Variants in ANKRD22 observed in about 807,000 individuals in gnomAD.
The protein encoded by ANKRD22 is ankyrin repeat domain 22.
ANKRD22 carries 24 observed loss-of-function variants against 25.7 expected under a neutral mutation model. The ratio of observed to expected loss-of-function variants is 0.93; its 90% CI spans 0.68 to 1.31. ANKRD22 has a LOEUF of 1.31. Among genes scored for constraint, ANKRD22 ranks in the 50% most tolerant of loss-of-function variants. ANKRD22 has a pLI of 0.00. For synonymous variants in ANKRD22, 84 were observed against 84.3 expected, an observed-to-expected ratio of 1.00 and a Z score of 0.02; for missense variants, 214 against 227.1, an observed-to-expected ratio of 0.94 and a Z score of 0.37.
intron 1 of ANKRD22, among the ~76,000 whole-genome samples, chr10:88,838,690 T>C (rs1248079575): frequency 6.6e-6 from 1 of 151,830 alleles, no homozygotes; most frequent in Non-Finnish European, 1.5e-5. Flanking sequence ...GAGGTGGAAG[T>C]GGGCCCTGGA....
rs551538872 is a variant in ANKRD22, at chr10:88,831,237, C to T, written c.213+598G>A. Reference sequence around the variant, plus strand: ...CCACAAGGATTTTCACAGCAATACACACATATTCTTCTCTTTCTTGGTCCT... The same window carrying T: ...CCACAAGGATTTTCACAGCAATACATACATATTCTTCTCTTTCTTGGTCCT... On this transcript the variant is annotated intron_variant, in intron 2 of 5. Coordinates refer to ENST00000371930, the MANE Select transcript of ANKRD22 (RefSeq NM_144590.3). Among the ~76,000 whole-genome samples, 3 of 152,348 alleles carry T rather than the reference C, an allele frequency of 2.0e-5. No individual in the cohort carries two copies. In the East Asian group the frequency reaches 5.8e-4, roughly 29 times the overall value.
chr10:88,825,932 A>G, intron 4 of ANKRD22, 106 bp downstream of exon 4: 1 of 949,946 alleles, frequency 1.1e-6, no homozygotes, highest in Non-Finnish European at 1.5e-6. Flanking sequence ...AGAAAACTAA[A>G]TGTAAAATTG....
intron 4 of ANKRD22, among the ~76,000 whole-genome samples, chr10:88,825,093 T>C (rs1194885625): frequency 1.3e-5 from 2 of 150,500 alleles, no homozygotes; most frequent in African/African-American, 2.4e-5. Flanking sequence ...CGAAATGATG[T>C]AAATAATTGA....
intron 1 of ANKRD22, 80 bp from the exon 2 acceptor site, chr10:88,832,106 A>C: frequency 1.5e-6 from 2 of 1,359,994 alleles, no homozygotes; most frequent in Non-Finnish European, 2.0e-6. Context: ...TCATAACCCA[A>C]TACATTAAAA....
At chr10:88,848,186 G>GTATATATGTATATATACATATA (rs1844070849) in intron 1 of ANKRD22, among the ~76,000 whole-genome samples, 1 of 137,392 alleles carries the variant, frequency 7.3e-6, no homozygotes, top group Admixed American at 7.2e-5. Context: ...ATATATATAT[G>GTATATATGTATATATACATATA]TATATATGTA....
At position 88,832,526 on chromosome 10, in the gene ANKRD22, C is replaced by G. The variant is rs148943480; in HGVS notation, c.22-500G>C. Among the ~76,000 whole-genome samples the G allele has an allele frequency of 9.7e-3, 1,461 of 150,858 alleles. 46 individuals are homozygous for G. The East Asian group carries it at 0.14, about 14-fold the overall frequency. ...CAAAATGTCTTTATCTTTATCTTTA[C>G]TAAAGATAAAATGTCTTTATCTTTA... On this transcript the variant is annotated intron_variant, in intron 1 of 5. Coordinates refer to ENST00000371930, the MANE Select transcript of ANKRD22 (RefSeq NM_144590.3).
intron 1 of ANKRD22, among the ~76,000 whole-genome samples, chr10:88,840,542 T>A (rs1166746137): frequency 6.6e-6 from 1 of 152,140 alleles, no homozygotes; most frequent in Non-Finnish European, 1.5e-5. Flanking sequence ...TGTGTAGAAC[T>A]TTGCCTGTGG....
intron 1 of ANKRD22, among the ~76,000 whole-genome samples, chr10:88,850,731 G>T (rs1844096826): frequency 6.6e-6 from 1 of 152,068 alleles, no homozygotes. Context: ...CATACCTAGA[G>T]TTATAAACCA....
intron 1 of ANKRD22, 107 bp downstream of exon 1, chr10:88,851,480 T>A: frequency 1.6e-6 from 2 of 1,261,516 alleles, no homozygotes; most frequent in Non-Finnish European, 1.2e-6. Context: ...CCCCAGGGAG[T>A]TGAACAGACA....
chr10:88,847,281 T>G (rs1424917873), intron 1 of ANKRD22, among the ~76,000 whole-genome samples: 2 of 129,506 alleles, frequency 1.5e-5, no homozygotes, highest in African/African-American at 6.4e-5. Context: ...TTTTTTGAGA[T>G]GGAGACTCAC....
At chr10:88,846,609 T>A (rs75628703) in intron 1 of ANKRD22, among the ~76,000 whole-genome samples, 1 of 152,198 alleles carries the variant, frequency 6.6e-6, no homozygotes, top group African/African-American at 2.4e-5. Context: ...TGGTGACCCA[T>A]GCCTTTTGTT....
chr10:88,831,922 C>T lies in ANKRD22; in HGVS notation c.126G>A (p.Thr42=), dbSNP rs749753273. ...ANVQDGFNGD[T]PLICACRRGH... is the part of the protein sequence containing the mutation. Reference sequence around the variant, plus strand: ...CTCGCCTGCAAGCACAGATCAGGGGCGTGTCTCCATTAAAGCCATCTTGAA... The same window carrying T: ...CTCGCCTGCAAGCACAGATCAGGGGTGTGTCTCCATTAAAGCCATCTTGAA... Residue 42 remains threonine, a synonymous_variant, in exon 2 of 6, where the codon ACG becomes ACA. Transcript: ENST00000371930. The T allele has an allele frequency of 2.7e-5, 44 of 1,613,774 alleles. No homozygotes were observed. The East Asian group carries it at 4.0e-4, about 15-fold the overall frequency.
At chr10:88,846,785 G>C (rs937121671) in intron 1 of ANKRD22, among the ~76,000 whole-genome samples, 1 of 152,006 alleles carries the variant, frequency 6.6e-6, no homozygotes, top group South Asian at 2.1e-4. Context: ...CTGTCTCATC[G>C]GCTGAAGTCA....
intron 1 of ANKRD22, among the ~76,000 whole-genome samples, chr10:88,837,281 A>G (rs2133077054): frequency 6.6e-6 from 1 of 152,362 alleles, no homozygotes; most frequent in South Asian, 2.1e-4. Flanking sequence ...AGAAAGAATT[A>G]AATGTAACTG....
At chr10:88,838,333 T>C (rs779964110) in intron 1 of ANKRD22, among the ~76,000 whole-genome samples, 1 of 151,860 alleles carries the variant, frequency 6.6e-6, no homozygotes, top group Admixed American at 6.6e-5. Context: ...GCAAGAGAAA[T>C]GAGAGGAGAG....
chr10:88,841,352 C>G (rs1451423786), intron 1 of ANKRD22, among the ~76,000 whole-genome samples: 1 of 151,910 alleles, frequency 6.6e-6, no homozygotes, highest in Non-Finnish European at 1.5e-5. Flanking sequence ...TAGGTAACAT[C>G]CAGTTCTACA....
intron 3 of ANKRD22, 38 bp from the exon 4 acceptor site, chr10:88,826,153 A>G (rs1232143476): frequency 5.9e-6 from 9 of 1,527,364 alleles, no homozygotes; most frequent in Admixed American, 1.8e-5. Flanking sequence ...GCTTATTTAC[A>G]AATAGTTTCT....
rs530626265 is a variant in ANKRD22, at chr10:88,839,182, A to T, written c.22-7156T>A. 5.9e-5 allele frequency among the ~76,000 whole-genome samples: 9 copies of T among 152,286 alleles called. No individual in the cohort carries two copies. In the East Asian group the frequency reaches 1.5e-3, roughly 26 times the overall value. On this transcript the variant is annotated intron_variant, in intron 1 of 5. Coordinates refer to ENST00000371930, the MANE Select transcript of ANKRD22 (RefSeq NM_144590.3). Reference sequence around the variant, plus strand: ...GGCTTCCTGCTAGGCCAGATCAAGTATCAGCCCATGAATCACCTCCTCAGA... The same window carrying T: ...GGCTTCCTGCTAGGCCAGATCAAGTTTCAGCCCATGAATCACCTCCTCAGA...
intron 1 of ANKRD22, among the ~76,000 whole-genome samples, chr10:88,841,244 A>G (rs901345355): frequency 1.3e-5 from 2 of 152,120 alleles, no homozygotes; most frequent in Non-Finnish European, 2.9e-5. Flanking sequence ...TCTGGCTGCT[A>G]GAAAATGGCA....
Sources: allele counts gnomAD v4.1 joint callset (sites outside exome capture counted in the v4.1 genomes callset), GRCh38; gene constraint gnomAD v4.1.1; transcripts MANE v1.5; gene names NCBI Gene and HGNC (gene_info 2026-07-23, HGNC 2026-07-21).